The following EPB41L3 variants were observed in gnomAD, a reference collection of about 807,000 sequenced individuals.
The protein encoded by EPB41L3 is band 4.1-like protein 3.
A neutral mutation model predicts 127.1 loss-of-function variants in EPB41L3; 57 were observed. The observed-to-expected ratio is 0.45, with a 90% confidence interval of 0.36 to 0.56. EPB41L3 has a LOEUF of 0.56. Among genes scored for constraint, EPB41L3 ranks in the 20% least tolerant of loss-of-function variants. The pLI is 0.00. For synonymous variants in EPB41L3, 572 were observed against 549.5 expected (o/e 1.04, Z -0.57); for missense variants, 1,273 against 1,372.2 (o/e 0.93, Z 1.14).
intron 3 of EPB41L3, among the ~76,000 whole-genome samples, chr18:5,560,950 TATTTATTTA>T (rs1417145548): frequency 3.6e-5 from 1 of 27,620 alleles, no homozygotes; most frequent in East Asian, 1.2e-3. Flanking sequence ...ATTATTTATT[TATTTATTTA>T]TTTATTTATT....
chr18:5,397,466 T>G lies in EPB41L3; in HGVS notation c.2473-40A>C. ...ATTGTGGCATCAGTGTGACCATCCATAAACCAAAGGTCAGAAAATAACTAA... is the reference window on the plus strand; with the variant it reads ...ATTGTGGCATCAGTGTGACCATCCAGAAACCAAAGGTCAGAAAATAACTAA... On this transcript the variant is annotated intron_variant, in intron 17 of 22. Transcript: ENST00000341928. The surrounding 1 kb of genome is among the most constrained non-coding windows in gnomAD (Gnocchi z 4.1). 1 of 1,557,144 alleles carries G rather than the reference T, an allele frequency of 6.4e-7. No individual in the cohort carries two copies. Among genetic ancestry groups the G allele is most frequent in the Non-Finnish European group, 8.7e-7 (1 of 1,152,134 alleles).
intron 3 of EPB41L3, among the ~76,000 whole-genome samples, chr18:5,458,311 A>C (rs1306402743): frequency 6.6e-6 from 1 of 152,196 alleles, no homozygotes; most frequent in Non-Finnish European, 1.5e-5. Context: ...TTCCCGATAA[A>C]CTTCTCAAAT....
intron 2 of EPB41L3, among the ~76,000 whole-genome samples, chr18:5,486,480 T>C (rs1479416339): frequency 6.6e-6 from 1 of 151,858 alleles, no homozygotes; most frequent in East Asian, 1.9e-4. Context: ...AAAACAAAAA[T>C]AGACAAATGG....
intron 3 of EPB41L3, among the ~76,000 whole-genome samples, chr18:5,446,617 G>A (rs16948220): frequency 0.063 from 9,520 of 152,298 alleles, 616 homozygotes; most frequent in East Asian, 0.25. Flanking sequence ...CCTGTGAGTC[G>A]TGTGTTGTGT....
At chr18:5,436,335 T>C (rs1372856982) in intron 6 of EPB41L3, among the ~76,000 whole-genome samples, 1 of 151,920 alleles carries the variant, frequency 6.6e-6, no homozygotes, top group Non-Finnish European at 1.5e-5. Context: ...TCCTTAAACA[T>C]TTAACAGCCT....
chr18:5,545,399 G>T (rs1568554197), upstream of EPB41L3, among the ~76,000 whole-genome samples: 1 of 152,308 alleles, frequency 6.6e-6, no homozygotes, highest in East Asian at 1.9e-4. Context: ...GCCCGGAGAC[G>T]TGGGGAGACT....
chr18:5,423,309 G>A (rs765871308), intron 11 of EPB41L3, 69 bp downstream of exon 11: 5 of 1,427,938 alleles, frequency 3.5e-6, no homozygotes, highest in Non-Finnish European at 4.7e-6. Flanking sequence ...CTTACTGAAA[G>A]CTCATGACAG....
intron 3 of EPB41L3, among the ~76,000 whole-genome samples, chr18:5,609,499 C>G (rs886161591): frequency 2.6e-5 from 4 of 152,146 alleles, no homozygotes; most frequent in Non-Finnish European, 1.5e-5. Flanking sequence ...ACGGAGGGTC[C>G]AGTACATCAT....
At chr18:5,393,706 C>T (rs1049750754) in intron 22 of EPB41L3, 9 of 436,382 alleles carry the variant, frequency 2.1e-5, no homozygotes, top group East Asian at 1.8e-4. Flanking sequence ...TTTTTGCTAT[C>T]GTCCAAAATA....
intron 1 of EPB41L3, among the ~76,000 whole-genome samples, chr18:5,624,974 T>G (rs911012121): frequency 6.6e-6 from 1 of 151,882 alleles, no homozygotes; most frequent in South Asian, 2.1e-4. Flanking sequence ...GGCATTTCAG[T>G]TGAAAGAAAT....
At chr18:5,436,439 C>G (rs1156268672) in intron 6 of EPB41L3, among the ~76,000 whole-genome samples, 1 of 125,220 alleles carries the variant, frequency 8.0e-6, no homozygotes, top group Non-Finnish European at 1.6e-5. Flanking sequence ...GACGGAGTCT[C>G]ACTCTGTTGC....
chr18:5,578,336 T>C (rs548368237), intron 3 of EPB41L3, among the ~76,000 whole-genome samples: 1 of 152,354 alleles, frequency 6.6e-6, no homozygotes, highest in African/African-American at 2.4e-5. Context: ...ATTGGATACA[T>C]ATTTAAACAA....
At chr18:5,623,405 C>T (rs1360141331) in intron 1 of EPB41L3, among the ~76,000 whole-genome samples, 2 of 152,158 alleles carry the variant, frequency 1.3e-5, no homozygotes, top group Non-Finnish European at 2.9e-5. Context: ...CTATTCAAAA[C>T]CTCGGTACTT....
chr18:5,556,763 C>T (rs1016057840), intron 3 of EPB41L3, among the ~76,000 whole-genome samples: 1 of 152,180 alleles, frequency 6.6e-6, no homozygotes. Context: ...CCTCCCAGCT[C>T]TCTGACCTTG....
intron 5 of EPB41L3, among the ~76,000 whole-genome samples, chr18:5,442,373 G>A (rs561007436): frequency 2.0e-5 from 3 of 151,964 alleles, no homozygotes; most frequent in African/African-American, 2.4e-5. Context: ...TCAAACATAC[G>A]GTAAAGATGT....
chr18:5,519,793 C>A (rs564576099), intron 1 of EPB41L3, among the ~76,000 whole-genome samples: 4 of 152,190 alleles, frequency 2.6e-5, no homozygotes, highest in African/African-American at 9.7e-5. Context: ...CCTACATTTG[C>A]GGATTTAGCT....
chr18:5,529,825 G>C (rs2093352035), intron 1 of EPB41L3, among the ~76,000 whole-genome samples: 1 of 151,972 alleles, frequency 6.6e-6, no homozygotes, highest in South Asian at 2.1e-4. Context: ...TGGCTTGCTG[G>C]CTGATACATG....
At chr18:5,478,157 A>G (rs905591869) in intron 3 of EPB41L3, 84 bp downstream of exon 3, 11 of 1,244,142 alleles carry the variant, frequency 8.8e-6, no homozygotes, top group Non-Finnish European at 7.9e-6. Context: ...TCCTAGAAAA[A>G]TAAAGAGGCA....
At chr18:5,456,781 C>A (rs1402791917) in intron 3 of EPB41L3, among the ~76,000 whole-genome samples, 1 of 152,226 alleles carries the variant, frequency 6.6e-6, no homozygotes. Context: ...TCCCAGAAAG[C>A]CAGTGCTAAT....
Sources: gnomAD v4.1 joint callset for allele counts (sites outside exome capture counted in the v4.1 genomes callset) on GRCh38, gnomAD v4.1.1 for gene constraint, Gnocchi (gnomAD v3.1) non-coding constraint, MANE v1.5 for transcripts, NCBI Gene and HGNC (gene_info 2026-07-23, HGNC 2026-07-21) for gene names.